Variants in SHANK1 observed in about 807,000 individuals in gnomAD.
SHANK1 encodes the protein SH3 and multiple ankyrin repeat domains 1.
In SHANK1, 35 loss-of-function variants were observed where a neutral mutation model predicts 165.6. The ratio of observed to expected loss-of-function variants is 0.21; its 90% CI spans 0.16 to 0.28. SHANK1 has a LOEUF of 0.28. Ranked by LOEUF, SHANK1 falls within the 10% of genes least tolerant of loss-of-function variation. The pLI is 1.00. For synonymous variants in SHANK1, 1,428 were observed against 1,384.8 expected (o/e 1.03, Z -0.69); for missense variants, 2,681 against 3,036.4 (o/e 0.88, Z 2.75).
chr19:50,686,243 G>T lies in SHANK1; in HGVS notation c.2571C>A (p.Ala857=). 1 of 1,594,014 alleles carries T rather than the reference G, an allele frequency of 6.3e-7. No homozygotes were observed. The highest frequency in any genetic ancestry group is 8.6e-7 in the Non-Finnish European group (1 of 1,168,640). ...LGKHRPKGFF[A]TESSFDPHHR... ...CCCACACCAGGCCGCCTACCTCAGT[G>T]GCAAAGAAACCTTTGGGTCGGTGTT... is the stretch of plus-strand genomic sequence containing the variant. The change falls in exon 21 of 24, where the codon GCC becomes GCA. Residue 857 remains alanine (A), a synonymous_variant. Transcript: ENST00000293441. This position sits in a 1 kb window ranked among gnomAD's most constrained non-coding sequence, Gnocchi z 5.7.
rs114630824 is a variant in SHANK1, at chr19:50,684,593, G to T, written c.2577+1644C>A. On this transcript the variant is annotated intron_variant, in intron 21 of 23. Coordinates refer to ENST00000293441, the MANE Select transcript of SHANK1 (RefSeq NM_016148.5). ...ATGAGGGATTGTGGATAGACTTCAGGGGCCTGTGCACTTGTACAGGAAAAA... is the reference window on the plus strand; with the variant it reads ...ATGAGGGATTGTGGATAGACTTCAGTGGCCTGTGCACTTGTACAGGAAAAA... Among the ~76,000 whole-genome samples, 754 of 152,146 alleles carry T rather than the reference G, an allele frequency of 5.0e-3. 9 individuals are homozygous for T. Among genetic ancestry groups the T allele is most frequent in the African/African-American group, 0.018 (730 of 41,498 alleles).
Position 50,664,822 on chromosome 19 carries a change from T to G in SHANK1, c.5768+1370A>C, listed in dbSNP as rs369997290. ...CAGGCTGGAGCACAGTGGTGCAATC[T>G]TGGCTCACTGCAACCTCGGCCTCCC... On this transcript the variant is annotated intron_variant, in intron 23 of 23. Coordinates refer to ENST00000293441, the MANE Select transcript of SHANK1 (RefSeq NM_016148.5). 2.5e-4 allele frequency among the ~76,000 whole-genome samples: 38 copies of G among 152,342 alleles called. No homozygotes were observed. The East Asian group carries it at 4.8e-3, about 19-fold the overall frequency.
intron 11 of SHANK1, among the ~76,000 whole-genome samples, 161 bp downstream of exon 11, chr19:50,703,339 G>C (rs1226835910): frequency 6.6e-6 from 1 of 152,148 alleles, no homozygotes; most frequent in Non-Finnish European, 1.5e-5. Context: ...GTGGAGTCGG[G>C]ACAGTAGCTC....
At chr19:50,664,118 CTTTCTT>C (rs1438939878) in intron 23 of SHANK1, among the ~76,000 whole-genome samples, 2 of 84,570 alleles carry the variant, frequency 2.4e-5, no homozygotes, top group African/African-American at 1.1e-4. Flanking sequence ...TTTTTCTTTT[CTTTCTT>C]TTTTTTTTTT....
At chr19:50,684,618 A>G (rs1986277780) in intron 21 of SHANK1, among the ~76,000 whole-genome samples, 1 of 152,164 alleles carries the variant, frequency 6.6e-6, no homozygotes, top group African/African-American at 2.4e-5. Context: ...TACAGGAAAA[A>G]AAATCCTATG....
chr19:50,670,857 G>A lies in SHANK1; in HGVS notation c.2674+1161C>T, dbSNP rs1189301232. The stretch of plus-strand genomic sequence containing the variant: ...CGCCCAGGCTGGAGTGCAATGGTGC[G>A]ATCTTTGCTCACTGCAACCTCTGCC... On this transcript the variant is annotated intron_variant, in intron 22 of 23. Transcript: ENST00000293441. The surrounding 1 kb of genome is among the most constrained non-coding windows in gnomAD (Gnocchi z 4.1). Among the ~76,000 whole-genome samples, 1 of 151,676 alleles carries A rather than the reference G, an allele frequency of 6.6e-6. No homozygotes were observed. The highest frequency in any genetic ancestry group is 1.9e-4 in the East Asian group (1 of 5,162).
chr19:50,706,401 A>G (rs2088939087), intron 8 of SHANK1, among the ~76,000 whole-genome samples: 1 of 152,058 alleles, frequency 6.6e-6, no homozygotes, highest in Non-Finnish European at 1.5e-5. Context: ...GGCACCCATC[A>G]TCACTTTTTG....
At position 50,702,349 on chromosome 19, in the gene SHANK1, G is replaced by T. The variant is rs113894002; in HGVS notation, c.1747+118C>A. 1.2e-6 allele frequency: 1 copy of T among 852,792 alleles called. No individual in the cohort carries two copies. The highest frequency in any genetic ancestry group is 1.8e-6 in the Non-Finnish European group (1 of 564,630). 52.8% of individuals were successfully genotyped at this position (852,792 alleles called of 1,614,324 possible). ...AAGGGGTGTCCTGGGGCTCTCTGAGGTCTCCAGAGTGCATGAGATACTCCA... is the reference window on the plus strand; with the variant it reads ...AAGGGGTGTCCTGGGGCTCTCTGAGTTCTCCAGAGTGCATGAGATACTCCA... On this transcript the variant is annotated intron_variant, in intron 12 of 23. Transcript: ENST00000293441. This position sits in a 1 kb window ranked among gnomAD's most constrained non-coding sequence, Gnocchi z 5.3.
chr19:50,668,038 C>T lies in SHANK1; in HGVS notation c.3922G>A (p.Ala1308Thr), dbSNP rs1222052466. The change falls in exon 23 of 24, where the codon GCG becomes ACG. Residue 1308 changes from alanine (A) to threonine (T), a missense_variant. By Grantham distance (58) the Ala-to-Thr change is moderately conservative. Coordinates refer to ENST00000293441, the MANE Select transcript of SHANK1 (RefSeq NM_016148.5). ...CCGGCCCCGTAGCCGCCGTAGCCCG[C>T]GCCGCTGCCCGCAGACTCCAGTCGG... ...YLRLESAGSGAGYGGYGAGSR... is the reference protein window; with the variant it reads ...YLRLESAGSGTGYGGYGAGSR... 3 of 1,476,320 alleles carry T rather than the reference C, an allele frequency of 2.0e-6. No homozygotes were observed. The highest frequency in any genetic ancestry group is 1.8e-6 in the Non-Finnish European group (2 of 1,119,074). 91.5% of individuals were successfully genotyped at this position (1,476,320 alleles called of 1,614,324 possible).
In SHANK1 at chr19:50,666,934, C is replaced by T. The variant is rs1985547742; in HGVS notation, c.5026G>A (p.Glu1676Lys). The change falls in exon 23 of 24, where the codon GAG becomes AAG. Residue 1676 changes from glutamate (E) to lysine (K), a missense_variant. Glu to Lys is a moderately conservative substitution (Grantham distance 56). This residue lies in a region of SHANK1 where 1,713 missense variants were observed against 1,630.2 expected (regional missense o/e 1.05). Coordinates refer to ENST00000293441, the MANE Select transcript of SHANK1 (RefSeq NM_016148.5). ...DPPPGTDSGI[E>K]EVDSRSSSDH... is the part of the protein sequence containing the mutation. Reference sequence around the variant, plus strand: ...CTGCTGCTCCGACTGTCCACCTCCTCGATGCCAGAATCCGTGCCAGGCGGA... The same window carrying T: ...CTGCTGCTCCGACTGTCCACCTCCTTGATGCCAGAATCCGTGCCAGGCGGA... 4 of 1,601,144 alleles carry T rather than the reference C, an allele frequency of 2.5e-6. No homozygotes were observed. Among genetic ancestry groups the T allele is most frequent in the Non-Finnish European group, 3.4e-6 (4 of 1,174,128 alleles).
In SHANK1 at chr19:50,659,742, C is replaced by T. The variant is rs1330325970; in HGVS notation, c.*2223G>A. Among the ~76,000 whole-genome samples, 1 of 144,234 alleles carries T rather than the reference C, an allele frequency of 6.9e-6. No homozygotes were observed. The highest frequency in any genetic ancestry group is 2.1e-4 in the East Asian group (1 of 4,762). 94.6% of individuals were successfully genotyped at this position (144,234 alleles called of 152,430 possible). ...ACCCCGCGCTGTCCCCGCATTCGGTCCCTCCCCACTCCCCACCCCGACCTC... is the reference window on the plus strand; with the variant it reads ...ACCCCGCGCTGTCCCCGCATTCGGTTCCTCCCCACTCCCCACCCCGACCTC... On this transcript the variant is annotated 3_prime_UTR_variant, in exon 24 of 24. Transcript: ENST00000293441.
At chr19:50,687,794 C>T in intron 18 of SHANK1, 129 bp downstream of exon 18, 1 of 1,397,378 alleles carries the variant, frequency 7.2e-7, no homozygotes, top group Non-Finnish European at 9.7e-7. Flanking sequence ...CTCAGTTTCT[C>T]CCCACAAGGG....
At chr19:50,674,395 G>A (rs1052993884) in intron 21 of SHANK1, among the ~76,000 whole-genome samples, 8 of 152,034 alleles carry the variant, frequency 5.3e-5, no homozygotes, top group Non-Finnish European at 7.4e-5. Context: ...AATGAAGTTC[G>A]CACCTTTGGG....
chr19:50,687,647 T>C lies in SHANK1; in HGVS notation c.2324A>G (p.Lys775Arg). ...GGAGATGGTTGGGGGCGGCAGCCGC[T>C]TGGCCTGCTGGGGTGCTGAAAAGGT... ...AVHKKAPQQA[K>R]RLPPPTISLR... The change falls in exon 19 of 24, where the codon AAG becomes AGG. Residue 775 changes from lysine (K) to arginine (R), a missense_variant. This residue lies in a region of SHANK1 where 206 missense variants were observed against 216.0 expected (regional missense o/e 0.95). Transcript: ENST00000293441. 2 of 1,507,408 alleles carry C rather than the reference T, an allele frequency of 1.3e-6. No individual in the cohort carries two copies. The highest frequency in any genetic ancestry group is 1.8e-6 in the Non-Finnish European group (2 of 1,128,330). 93.4% of individuals were successfully genotyped at this position (1,507,408 alleles called of 1,614,324 possible). A position where few individuals can be genotyped will look rare whatever the true frequency, so the allele number is the denominator to read the frequency against.
intron 8 of SHANK1, among the ~76,000 whole-genome samples, chr19:50,706,700 A>G (rs906643098): frequency 1.3e-5 from 2 of 151,784 alleles, no homozygotes; most frequent in East Asian, 3.9e-4. Flanking sequence ...CCGCCTCTTC[A>G]GAGAGGTCTT....
At chr19:50,704,039 A>G (rs1372770641) in intron 10 of SHANK1, 81 bp downstream of exon 10, 6 of 1,415,444 alleles carry the variant, frequency 4.2e-6, no homozygotes, top group Middle Eastern at 1.8e-4. Flanking sequence ...CCCCCAAGTC[A>G]GGTCCCCCAA....
Position 50,666,934 on chromosome 19 carries a change from C to G in SHANK1, c.5026G>C (p.Glu1676Gln). 1 of 1,601,262 alleles carries G rather than the reference C, an allele frequency of 6.2e-7. No individual in the cohort carries two copies. The highest frequency in any genetic ancestry group is 8.5e-7 in the Non-Finnish European group (1 of 1,174,120). The change falls in exon 23 of 24, where the codon GAG becomes CAG. Residue 1676 changes from glutamate (E) to glutamine (Q), a missense_variant. Physicochemically the swap from Glu to Gln is conservative, Grantham distance 29. Coordinates refer to ENST00000293441, the MANE Select transcript of SHANK1 (RefSeq NM_016148.5). Reference sequence around the variant, plus strand: ...CTGCTGCTCCGACTGTCCACCTCCTCGATGCCAGAATCCGTGCCAGGCGGA... The same window carrying G: ...CTGCTGCTCCGACTGTCCACCTCCTGGATGCCAGAATCCGTGCCAGGCGGA... ...DPPPGTDSGI[E>Q]EVDSRSSSDH...
Position 50,668,510 on chromosome 19 carries a change from C to G in SHANK1, c.3450G>C (p.Lys1150Asn). Residue 1150 changes from lysine to asparagine, a missense_variant, in exon 23 of 24, where the codon AAG becomes AAC. By Grantham distance (94) the Lys-to-Asn change is moderately conservative (BLOSUM62 0). This residue lies in a region of SHANK1 where 1,713 missense variants were observed against 1,630.2 expected (regional missense o/e 1.05). Coordinates refer to ENST00000293441, the MANE Select transcript of SHANK1 (RefSeq NM_016148.5). Reference sequence around the variant, plus strand: ...TGATGGTGGGGATGGGGATGGAGTTCTTCTCCGAGGGCGCGGCCACGGCGG... The same window carrying G: ...TGATGGTGGGGATGGGGATGGAGTTGTTCTCCGAGGGCGCGGCCACGGCGG... ...PPPAVAAPSE[K>N]NSIPIPTIII... The G allele has an allele frequency of 1.5e-6, 2 of 1,349,304 alleles. No individual in the cohort carries two copies. Among genetic ancestry groups the G allele is most frequent in the Non-Finnish European group, 1.9e-6 (2 of 1,050,782 alleles). The allele number at this position is 1,349,304 out of a possible 1,614,324, so 83.6% of individuals were successfully genotyped here. A position where few individuals can be genotyped will look rare whatever the true frequency, so the allele number is the denominator to read the frequency against.
chr19:50,688,124 AC>A lies in SHANK1; in HGVS notation c.2173-67del. 1 of 1,593,560 alleles carries A rather than the reference AC, an allele frequency of 6.3e-7. No homozygotes were observed. The highest frequency in any genetic ancestry group is 8.6e-7 in the Non-Finnish European group (1 of 1,168,170). ...GGGAGGGGTGCTTGCAGCTTCAGAG[AC>A]CCCAAGGAGGATGCCTCCTGCGCTG... On this transcript the variant is annotated intron_variant, in intron 17 of 23. Coordinates refer to ENST00000293441, the MANE Select transcript of SHANK1 (RefSeq NM_016148.5). This position sits in a 1 kb window ranked among gnomAD's most constrained non-coding sequence, Gnocchi z 6.7.
Sources: gnomAD v4.1 joint callset for allele counts (sites outside exome capture counted in the v4.1 genomes callset) on GRCh38, gnomAD v4.1.1 for gene constraint, gnomAD v4.1.1 regional missense constraint, Gnocchi (gnomAD v3.1) non-coding constraint, MANE v1.5 for transcripts, NCBI Gene and HGNC (gene_info 2026-07-23, HGNC 2026-07-21) for gene names.